Variants in PSTPIP2 observed in about 807,000 individuals in gnomAD.
The protein encoded by PSTPIP2 is proline-serine-threonine phosphatase-interacting protein 2.
Under a neutral mutation model 63.3 loss-of-function variants are expected in PSTPIP2, and 33 were observed. That is an observed-to-expected ratio of 0.52 (90% CI 0.40 to 0.70). PSTPIP2 has a LOEUF of 0.70. Ranked by LOEUF, PSTPIP2 falls within the 30% of genes least tolerant of loss-of-function variation. The pLI is 0.00. For synonymous variants in PSTPIP2, 125 were observed against 132.7 expected, an observed-to-expected ratio of 0.94 and a Z score of 0.40; for missense variants, 312 against 400.7, an observed-to-expected ratio of 0.78 and a Z score of 1.89.
At chr18:46,023,062 G>C (rs951393472) in intron 3 of PSTPIP2, among the ~76,000 whole-genome samples, 11 of 152,132 alleles carry the variant, frequency 7.2e-5, no homozygotes, top group African/African-American at 2.7e-4. Context: ...GGGGCTAAAT[G>C]ATGAGAACAC....
intron 11 of PSTPIP2, 24 bp from the exon 12 acceptor site, chr18:45,992,007 G>T: frequency 6.2e-7 from 1 of 1,600,546 alleles, no homozygotes; most frequent in Non-Finnish European, 8.6e-7. Context: ...CAAGAAACAG[G>T]ACATGAAGAG....
chr18:46,022,509 T>C (rs1907401392), intron 3 of PSTPIP2, among the ~76,000 whole-genome samples: 1 of 152,154 alleles, frequency 6.6e-6, no homozygotes. Flanking sequence ...CCTCAACATG[T>C]TGGGGAAGGA....
rs897836301 is a variant in PSTPIP2, at chr18:46,026,926, G to A, written c.135-2240C>T. On this transcript the variant is annotated intron_variant, in intron 2 of 14. Transcript: ENST00000409746. ...TTAGTATTAATATTTGATGATGATT[G>A]TAACAGGGATTTCTTTCTGCAGGTA... 1.1e-4 allele frequency among the ~76,000 whole-genome samples: 16 copies of A among 152,266 alleles called. No individual in the cohort carries two copies. The East Asian group carries it at 2.7e-3, about 26-fold the overall frequency.
rs1045785804 is a variant in PSTPIP2, at chr18:46,028,484, G to C, written c.135-3798C>G. 2.2e-5 allele frequency: 14 copies of C among 625,022 alleles called. No individual in the cohort carries two copies. The Admixed American group carries it at 2.5e-4, about 11-fold the overall frequency. The allele number at this position is 625,022 out of a possible 1,614,324, so 38.7% of individuals were successfully genotyped here. A position where few individuals can be genotyped will look rare whatever the true frequency, so the allele number is the denominator to read the frequency against. On this transcript the variant is annotated intron_variant, in intron 2 of 14. Coordinates refer to ENST00000409746, the MANE Select transcript of PSTPIP2 (RefSeq NM_024430.4). ...CGGCCGTGGAGTGGTGCCTGGAGGA[G>C]CTGGTCTTCGGCGATGTCGAGGACG...
intron 1 of PSTPIP2, among the ~76,000 whole-genome samples, chr18:46,063,510 C>G (rs1909062072): frequency 6.6e-6 from 1 of 151,842 alleles, no homozygotes; most frequent in Admixed American, 6.6e-5. Context: ...TTGAAAGGAG[C>G]CAAACTGGGA....
intron 1 of PSTPIP2, among the ~76,000 whole-genome samples, chr18:46,059,885 C>G (rs1368055534): frequency 1.3e-5 from 2 of 151,808 alleles, no homozygotes; most frequent in Non-Finnish European, 2.9e-5. Flanking sequence ...AAAAAAATTA[C>G]CCGGGCGTGG....
rs535838633 is a variant in PSTPIP2, at chr18:46,000,008, A to C, written c.418-474T>G. Among the ~76,000 whole-genome samples, 140 of 152,252 alleles carry C rather than the reference A, an allele frequency of 9.2e-4. 1 individual carries two copies. The highest frequency in any genetic ancestry group is 3.3e-3 in the African/African-American group (137 of 41,542). ...ACAAAACTTAGCTAGGCATGGTGGC[A>C]CACACCTGTGGTCCCAGCTACTTGG... On this transcript the variant is annotated intron_variant, in intron 6 of 14. Transcript: ENST00000409746.
Position 46,028,985 on chromosome 18 carries a change from G to A in PSTPIP2, c.135-4299C>T, listed in dbSNP as rs1015376830. 6 of 938,310 alleles carry A rather than the reference G, an allele frequency of 6.4e-6. No individual in the cohort carries two copies. The East Asian group carries it at 7.2e-5, about 11-fold the overall frequency. The allele number at this position is 938,310 out of a possible 1,614,324, so 58.1% of individuals were successfully genotyped here. A position where few individuals can be genotyped will look rare whatever the true frequency, so the allele number is the denominator to read the frequency against. On this transcript the variant is annotated intron_variant, in intron 2 of 14. Transcript: ENST00000409746. Reference sequence around the variant, plus strand: ...GCTCAGATCTCATCTGTGCAGTTCCGTCCTTGTGCACAGATTGTGATGGTC... The same window carrying A: ...GCTCAGATCTCATCTGTGCAGTTCCATCCTTGTGCACAGATTGTGATGGTC...
chr18:46,001,746 T>C (rs2051669155), intron 6 of PSTPIP2, among the ~76,000 whole-genome samples: 1 of 152,148 alleles, frequency 6.6e-6, no homozygotes, highest in South Asian at 2.1e-4. Context: ...TTTTTTTTAA[T>C]TTAAAAAAAT....
At chr18:45,997,650 C>T (rs1158416774) in intron 9 of PSTPIP2, 99 bp downstream of exon 9, 1 of 93,198 alleles carries the variant, frequency 1.1e-5, no homozygotes, top group Non-Finnish European at 2.0e-5. Context: ...CCTCCCTCCC[C>T]TCCCCCTCCT....
chr18:46,065,281 T>C (rs957893393), intron 1 of PSTPIP2, among the ~76,000 whole-genome samples: 4 of 151,080 alleles, frequency 2.6e-5, no homozygotes, highest in Non-Finnish European at 5.9e-5. Context: ...TAGCAATATA[T>C]AAAATAAGTT....
At chr18:46,016,570 C>T (rs1466102121) in intron 3 of PSTPIP2, among the ~76,000 whole-genome samples, 1 of 152,150 alleles carries the variant, frequency 6.6e-6, no homozygotes, top group Admixed American at 6.5e-5. Flanking sequence ...TCCCAGACCT[C>T]AGAGTCTAAT....
chr18:46,047,546 C>G (rs898886128), intron 1 of PSTPIP2, among the ~76,000 whole-genome samples: 3 of 152,186 alleles, frequency 2.0e-5, no homozygotes, highest in Non-Finnish European at 2.9e-5. Flanking sequence ...GAGCTGAGAT[C>G]ACGCCACTGC....
chr18:46,013,260 T>C (rs1052381706), intron 4 of PSTPIP2, among the ~76,000 whole-genome samples: 1 of 152,176 alleles, frequency 6.6e-6, no homozygotes, highest in Non-Finnish European at 1.5e-5. Context: ...CTCTGAGAAA[T>C]GTATTCATTG....
chr18:46,043,255 T>C (rs1449437655), intron 1 of PSTPIP2, among the ~76,000 whole-genome samples: 3 of 117,712 alleles, frequency 2.5e-5, no homozygotes, highest in Admixed American at 1.0e-4. Context: ...AAGCCAAGTA[T>C]GGTGGTGTGC....
intron 1 of PSTPIP2, among the ~76,000 whole-genome samples, chr18:46,063,871 C>T (rs527527044): frequency 2.8e-4 from 43 of 152,256 alleles, no homozygotes; most frequent in African/African-American, 8.7e-4. Flanking sequence ...AACTAGCATC[C>T]GCACATACTA....
At chr18:46,020,085 G>C (rs372458884) in intron 3 of PSTPIP2, among the ~76,000 whole-genome samples, 1 of 152,108 alleles carries the variant, frequency 6.6e-6, no homozygotes, top group East Asian at 1.9e-4. Flanking sequence ...CATTTCCTTT[G>C]TCATCAGCTT....
At chr18:46,054,179 A>T (rs1599744365) in intron 1 of PSTPIP2, among the ~76,000 whole-genome samples, 1 of 152,190 alleles carries the variant, frequency 6.6e-6, no homozygotes, top group Non-Finnish European at 1.5e-5. Flanking sequence ...GATGTTTTTA[A>T]ATGGTACATC....
At chr18:46,066,237 G>A (rs1909185706) in intron 1 of PSTPIP2, among the ~76,000 whole-genome samples, 1 of 152,096 alleles carries the variant, frequency 6.6e-6, no homozygotes, top group Admixed American at 6.6e-5. Flanking sequence ...CTACTTGGGA[G>A]GATTGCTTGA....
Sources: gnomAD v4.1 joint callset for allele counts (sites outside exome capture counted in the v4.1 genomes callset) on GRCh38, gnomAD v4.1.1 for gene constraint, MANE v1.5 for transcripts, NCBI Gene and HGNC (gene_info 2026-07-23, HGNC 2026-07-21) for gene names.